The following EPB41L2 variants were observed in gnomAD, a reference collection of about 807,000 sequenced individuals.
EPB41L2 encodes erythrocyte membrane protein band 4.1 like 2, also known as band 4.1-like protein 2.
EPB41L2 carries 43 observed loss-of-function variants against 113.0 expected under a neutral mutation model. The observed-to-expected ratio is 0.38, with a 90% confidence interval of 0.30 to 0.49. The LOEUF is 0.49. Ranked by LOEUF, EPB41L2 falls within the 20% of genes least tolerant of loss-of-function variation. The pLI, the probability that EPB41L2 is intolerant of heterozygous loss-of-function variation, is 0.95. For missense variants in EPB41L2, 1,147 were observed against 1,223.4 expected (o/e 0.94, Z 0.93); for synonymous variants, 442 against 436.7 (o/e 1.01, Z -0.15).
chr6:130,968,352 A>T (rs2128648361), intron 1 of EPB41L2, among the ~76,000 whole-genome samples: 1 of 152,264 alleles, frequency 6.6e-6, no homozygotes, highest in East Asian at 1.9e-4. Flanking sequence ...CATACTTTCA[A>T]ATCCTCTTCT....
rs181399706 is a variant in EPB41L2, at chr6:130,874,044, T to C, written c.2044-3918A>G. Among the ~76,000 whole-genome samples the C allele has an allele frequency of 1.5e-4, 23 of 152,282 alleles. No individual in the cohort carries two copies. The East Asian group carries it at 4.3e-3, about 28-fold the overall frequency. On this transcript the variant is annotated intron_variant, in intron 14 of 19. Transcript: ENST00000337057. Reference sequence around the variant, plus strand: ...AAGTGCCACACATTTCGTTATCCAATGACATACCTTCAAAAGTACCTTACA... The same window carrying C: ...AAGTGCCACACATTTCGTTATCCAACGACATACCTTCAAAAGTACCTTACA...
intron 4 of EPB41L2, among the ~76,000 whole-genome samples, chr6:130,925,001 G>A (rs1270245105): frequency 6.6e-6 from 1 of 152,062 alleles, no homozygotes; most frequent in Non-Finnish European, 1.5e-5. Context: ...GACAGACAGA[G>A]GGAATTGCCA....
At chr6:130,902,607 AC>A (rs759426293) in intron 6 of EPB41L2, among the ~76,000 whole-genome samples, 3 of 152,242 alleles carry the variant, frequency 2.0e-5, no homozygotes, top group Non-Finnish European at 4.4e-5. Context: ...ACTTCAGACA[AC>A]TGAATTTTCA....
At chr6:131,021,736 T>A (rs1267599393) in intron 1 of EPB41L2, among the ~76,000 whole-genome samples, 1 of 152,176 alleles carries the variant, frequency 6.6e-6, no homozygotes. Flanking sequence ...TTCTGTTGTA[T>A]ATACTAATTT....
rs778645504 is a variant in EPB41L2 at position 130,869,998 on chromosome 6, A to T, written c.2172T>A (p.Arg724=). 1.9e-6 allele frequency: 3 copies of T among 1,613,872 alleles called. No individual in the cohort carries two copies. The highest frequency in any genetic ancestry group is 1.7e-6 in the Non-Finnish European group (2 of 1,180,008). The stretch of plus-strand genomic sequence containing the variant: ...CTTTTTGTGTCACAGGCTCCACCTT[A>T]CGAATCTCCCCAGGACCACTCCCAG... ...ISPGSGPGEI[R]KVEPVTQKDS... is the part of the protein sequence containing the mutation. The change falls in exon 15 of 20, where the codon CGT becomes CGA. Residue 724 remains arginine, a synonymous_variant. Coordinates refer to ENST00000337057, the MANE Select transcript of EPB41L2 (RefSeq NM_001431.4).
At chr6:130,878,899 T>C (rs1295393092) in intron 13 of EPB41L2, among the ~76,000 whole-genome samples, 1 of 152,190 alleles carries the variant, frequency 6.6e-6, no homozygotes, top group African/African-American at 2.4e-5. Flanking sequence ...ATAGAATAAA[T>C]AAACCACAGA....
At chr6:130,890,958 C>A (rs1291554457) in intron 10 of EPB41L2, among the ~76,000 whole-genome samples, 1 of 152,288 alleles carries the variant, frequency 6.6e-6, no homozygotes, top group East Asian at 1.9e-4. Context: ...ATGGCTAACA[C>A]CCCTTCTTGC....
At chr6:131,036,863 C>A (rs1793424504) in intron 1 of EPB41L2, among the ~76,000 whole-genome samples, 1 of 152,162 alleles carries the variant, frequency 6.6e-6, no homozygotes, top group South Asian at 2.1e-4. Context: ...AATTCTAGGG[C>A]ACAGCCAGGA....
intron 4 of EPB41L2, among the ~76,000 whole-genome samples, chr6:130,915,865 C>T (rs1301382079): frequency 6.6e-6 from 1 of 152,186 alleles, no homozygotes; most frequent in East Asian, 1.9e-4. Flanking sequence ...CTTGCTCCTC[C>T]TTGCCTTCTG....
Position 130,899,520 on chromosome 6 carries a change from T to TA in EPB41L2, c.1206_1207insT (p.Met403TyrfsTer5). On this transcript the variant is annotated frameshift_variant, in exon 8 of 20. Transcript: ENST00000337057. LOFTEE classifies it high-confidence loss of function. ...GCATGATGTAGGTCAACACCATACA[T>TA]GGAAAGCCTCTTTGCATTTTCTAAG... 3 of 1,613,978 alleles carry TA rather than the reference T, an allele frequency of 1.9e-6. No individual in the cohort carries two copies. The highest frequency in any genetic ancestry group is 2.5e-6 in the Non-Finnish European group (3 of 1,179,858).
chr6:130,992,187 C>T (rs965927804), intron 1 of EPB41L2, among the ~76,000 whole-genome samples: 1 of 152,130 alleles, frequency 6.6e-6, no homozygotes, highest in Non-Finnish European at 1.5e-5. Context: ...TTCACACTCA[C>T]ACATTTGATA....
chr6:130,876,634 G>A (rs1426631201), intron 14 of EPB41L2: 2 of 1,191,562 alleles, frequency 1.7e-6, no homozygotes, highest in Non-Finnish European at 2.2e-6. Context: ...AAGGAAAGGG[G>A]GAAAAAGCAA....
At chr6:131,023,897 A>C (rs1417361505) in intron 1 of EPB41L2, among the ~76,000 whole-genome samples, 3 of 151,904 alleles carry the variant, frequency 2.0e-5, no homozygotes, top group Non-Finnish European at 4.4e-5. Context: ...GAAAACTGTC[A>C]TTTTCTGAGA....
At chr6:131,049,795 A>G (rs1420993541) in intron 1 of EPB41L2, among the ~76,000 whole-genome samples, 1 of 152,192 alleles carries the variant, frequency 6.6e-6, no homozygotes, top group Non-Finnish European at 1.5e-5. Context: ...AGCTCTGTCT[A>G]CCTTCAGGGC....
At chr6:131,006,859 A>T (rs1368572736) in intron 1 of EPB41L2, among the ~76,000 whole-genome samples, 1 of 152,056 alleles carries the variant, frequency 6.6e-6, no homozygotes, top group African/African-American at 2.4e-5. Flanking sequence ...CTCTTCTCCA[A>T]CAATTCTCTA....
At chr6:131,033,975 A>G (rs139897897) in intron 1 of EPB41L2, among the ~76,000 whole-genome samples, 1 of 152,300 alleles carries the variant, frequency 6.6e-6, no homozygotes, top group East Asian at 1.9e-4. Flanking sequence ...ATATATCTTT[A>G]TATGTATTTT....
chr6:130,938,349 G>C (rs1184073384), intron 3 of EPB41L2, among the ~76,000 whole-genome samples: 1 of 152,092 alleles, frequency 6.6e-6, no homozygotes, highest in African/African-American at 2.4e-5. Flanking sequence ...TTTCATTCCT[G>C]GTGGATGACT....
intron 14 of EPB41L2, among the ~76,000 whole-genome samples, chr6:130,872,074 A>G (rs546847570): frequency 6.6e-6 from 1 of 152,338 alleles, no homozygotes; most frequent in South Asian, 2.1e-4. Flanking sequence ...TCTGCAAAGC[A>G]TATCTGGTTG....
chr6:130,848,033 AGGTTAGT>A (rs1190550891), intron 19 of EPB41L2, among the ~76,000 whole-genome samples: 2 of 152,170 alleles, frequency 1.3e-5, no homozygotes, highest in African/African-American at 4.8e-5. Context: ...GAAAAAAGGA[AGGTTAGT>A]GGGAATCAAA....
Sources: allele counts gnomAD v4.1 joint callset (sites outside exome capture counted in the v4.1 genomes callset), GRCh38; gene constraint gnomAD v4.1.1; transcripts MANE v1.5; gene names NCBI Gene and HGNC (gene_info 2026-07-23, HGNC 2026-07-21).